NBAS: variants seen among roughly 807,000 people sequenced by gnomAD.
The protein encoded by NBAS is NBAS subunit of NRZ tethering complex, also known as NAG/BC035112 fusion.
A neutral mutation model predicts 302.5 loss-of-function variants in NBAS; 219 were observed. The ratio of observed to expected loss-of-function variants is 0.72; its 90% CI spans 0.65 to 0.81. The LOEUF (loss-of-function observed/expected upper bound fraction) is 0.81. Among genes scored for constraint, NBAS ranks in the 30% least tolerant of loss-of-function variants. The pLI is 0.00. For synonymous variants in NBAS, 1,118 were observed against 1,021.6 expected, an observed-to-expected ratio of 1.09 and a Z score of -1.80; for missense variants, 2,932 against 2,841.6, an observed-to-expected ratio of 1.03 and a Z score of -0.72.
chr2:15,306,389 A>G (rs1274464517), intron 40 of NBAS, among the ~76,000 whole-genome samples: 1 of 152,220 alleles, frequency 6.6e-6, no homozygotes, highest in Non-Finnish European at 1.5e-5. Context: ...ACATGAGAAT[A>G]AAATATGCCC....
At chr2:15,387,185 A>G (rs1341820149) in intron 28 of NBAS, among the ~76,000 whole-genome samples, 1 of 151,124 alleles carries the variant, frequency 6.6e-6, no homozygotes, top group Admixed American at 6.6e-5. Flanking sequence ...CTCCTGCCTC[A>G]GCCTCCCAAG....
chr2:15,159,229 C>T, the NBAS span, among the ~76,000 whole-genome samples: 1 of 152,152 alleles, frequency 6.6e-6, no homozygotes, highest in Non-Finnish European at 1.5e-5. Context: ...TAAGGCCCTG[C>T]GCGTTCACCA....
chr2:14,853,682 A>G, the NBAS span, among the ~76,000 whole-genome samples: 3 of 101,152 alleles, frequency 3.0e-5, no homozygotes, highest in Non-Finnish European at 5.9e-5. Flanking sequence ...CAAATGTCCA[A>G]CAATGATAGA....
chr2:15,130,550 C>T, the NBAS span, among the ~76,000 whole-genome samples: 1 of 152,212 alleles, frequency 6.6e-6, no homozygotes, highest in Non-Finnish European at 1.5e-5. Flanking sequence ...GAGGCAGGTC[C>T]TATTACCTCC....
At chr2:14,994,612 G>A in the NBAS span, among the ~76,000 whole-genome samples, 1 of 152,204 alleles carries the variant, frequency 6.6e-6, no homozygotes, top group Admixed American at 6.5e-5. Flanking sequence ...CCTGGGAGCA[G>A]CTATTCCCCT....
the NBAS span, among the ~76,000 whole-genome samples, chr2:14,782,399 C>A: frequency 4.8e-4 from 73 of 152,094 alleles, no homozygotes; most frequent in African/African-American, 1.7e-3. Flanking sequence ...AAATCAAAAC[C>A]GCAATGAAAT....
chr2:15,183,833 G>A (rs1664944437), intron 50 of NBAS, among the ~76,000 whole-genome samples: 1 of 152,130 alleles, frequency 6.6e-6, no homozygotes, highest in Non-Finnish European at 1.5e-5. Flanking sequence ...ACCGATGTGT[G>A]CTTTAGGTGC....
At chr2:15,506,892 A>T (rs192339071) in intron 10 of NBAS, among the ~76,000 whole-genome samples, 8 of 152,324 alleles carry the variant, frequency 5.3e-5, no homozygotes, top group Admixed American at 5.2e-4. Flanking sequence ...AAAATGCTGG[A>T]AGACATTGAT....
intron 45 of NBAS, among the ~76,000 whole-genome samples, chr2:15,237,886 T>C (rs1238315620): frequency 6.7e-6 from 1 of 149,714 alleles, no homozygotes; most frequent in African/African-American, 2.5e-5. Flanking sequence ...GCCATTCCCC[T>C]GCCTCAGCCT....
chr2:15,042,050 T>C, the NBAS span, among the ~76,000 whole-genome samples: 467 of 152,350 alleles, frequency 3.1e-3, no homozygotes, highest in African/African-American at 0.01. Flanking sequence ...CAATATTTAA[T>C]AGCACATGCA....
the NBAS span, among the ~76,000 whole-genome samples, chr2:15,048,186 C>A: frequency 1.3e-5 from 2 of 152,314 alleles, no homozygotes; most frequent in Non-Finnish European, 2.9e-5. Context: ...AATGAGCTGG[C>A]ACATGGAATA....
chr2:15,073,673 C>A, the NBAS span, among the ~76,000 whole-genome samples: 1 of 151,918 alleles, frequency 6.6e-6, no homozygotes, highest in African/African-American at 2.4e-5. Flanking sequence ...ATGTTATACA[C>A]AGAAATATAC....
chr2:15,345,781 C>T lies in NBAS; in HGVS notation c.4179+6211G>A, dbSNP rs568336249. Among the ~76,000 whole-genome samples, 56 of 152,282 alleles carry T rather than the reference C, an allele frequency of 3.7e-4. 1 individual carries two copies. In the South Asian group the frequency reaches 0.011, roughly 30 times the overall value. On this transcript the variant is annotated intron_variant, in intron 35 of 51. Transcript: ENST00000281513. ...TACTACAAGGCTACAGTGACCAAAA[C>T]AGCATGGTCCTGGTACCAAAACAGA...
chr2:15,039,732 C>T, the NBAS span, among the ~76,000 whole-genome samples: 1 of 152,216 alleles, frequency 6.6e-6, no homozygotes, highest in Non-Finnish European at 1.5e-5. Context: ...GCCCCAGTCT[C>T]AGCTCGGACA....
At chr2:15,106,551 G>A in the NBAS span, among the ~76,000 whole-genome samples, 572 of 151,830 alleles carry the variant, frequency 3.8e-3, 9 homozygotes, top group African/African-American at 0.013. Context: ...CTTCAAGGAT[G>A]AAGTTCAAAC....
chr2:15,089,349 AT>A, the NBAS span, among the ~76,000 whole-genome samples: 5 of 152,148 alleles, frequency 3.3e-5, no homozygotes, highest in African/African-American at 1.2e-4. Context: ...TGCCCGAAGT[AT>A]TTTAAAATTC....
chr2:15,290,447 T>C (rs1354273504), intron 41 of NBAS, among the ~76,000 whole-genome samples: 1 of 152,220 alleles, frequency 6.6e-6, no homozygotes, highest in Admixed American at 6.5e-5. Flanking sequence ...ATGCTAGCTG[T>C]ATGCTTAACA....
At chr2:15,031,834 C>T in the NBAS span, among the ~76,000 whole-genome samples, 1 of 152,176 alleles carries the variant, frequency 6.6e-6, no homozygotes, top group Non-Finnish European at 1.5e-5. Flanking sequence ...TCAGATGGGG[C>T]CCTGTGAAAG....
At chr2:15,149,978 G>A in the NBAS span, among the ~76,000 whole-genome samples, 11 of 151,608 alleles carry the variant, frequency 7.3e-5, no homozygotes, top group East Asian at 2.1e-3. Flanking sequence ...GAGAGGCCAA[G>A]GTGGGAGCAT....
Sources: gnomAD v4.1 joint callset for allele counts (sites outside exome capture counted in the v4.1 genomes callset) on GRCh38, gnomAD v4.1.1 for gene constraint, MANE v1.5 for transcripts, NCBI Gene and HGNC (gene_info 2026-07-23, HGNC 2026-07-21) for gene names.